PRKDC: variants seen among roughly 807,000 people sequenced by gnomAD.
The protein encoded by PRKDC is DNA-dependent protein kinase catalytic subunit.
A neutral mutation model predicts 486.9 loss-of-function variants in PRKDC; 82 were observed. The observed-to-expected ratio is 0.17, with a 90% confidence interval of 0.14 to 0.20. The LOEUF (loss-of-function observed/expected upper bound fraction) is 0.20. PRKDC is among the 10% of genes least tolerant of loss of function. The pLI, the probability that PRKDC is intolerant of heterozygous loss-of-function variation, is 1.00. For missense variants in PRKDC, 4,504 were observed against 5,038.2 expected, an observed-to-expected ratio of 0.89 and a Z score of 3.21; for synonymous variants, 1,895 against 1,837.0, an observed-to-expected ratio of 1.03 and a Z score of -0.81.
At chr8:47,791,389 C>G (rs1361373687) in intron 74 of PRKDC, among the ~76,000 whole-genome samples, 1 of 152,098 alleles carries the variant, frequency 6.6e-6, no homozygotes, top group Admixed American at 6.6e-5. Flanking sequence ...GCAGGAGAAT[C>G]GCTTGAACCC....
At chr8:47,837,104 A>G in intron 57 of PRKDC, 108 bp downstream of exon 57, 5 of 1,204,506 alleles carry the variant, frequency 4.2e-6, no homozygotes, top group Non-Finnish European at 5.8e-6. Flanking sequence ...CTTTTCAGAA[A>G]GGAATGTGTA....
chr8:47,822,299 A>G (rs1213822316), intron 64 of PRKDC, among the ~76,000 whole-genome samples: 2 of 151,816 alleles, frequency 1.3e-5, no homozygotes, highest in Non-Finnish European at 2.9e-5. Flanking sequence ...GAAAAAAAAA[A>G]AAAAGCCACA....
chr8:47,845,558 C>A (rs190818822), intron 54 of PRKDC, among the ~76,000 whole-genome samples: 6 of 151,938 alleles, frequency 3.9e-5, no homozygotes, highest in Non-Finnish European at 7.4e-5. Flanking sequence ...TAGATACATT[C>A]CTGGAAACAT....
chr8:47,795,523 C>T (rs1208089858), intron 73 of PRKDC, among the ~76,000 whole-genome samples: 4 of 129,674 alleles, frequency 3.1e-5, no homozygotes, highest in Admixed American at 1.7e-4. Context: ...GATGGAGTCT[C>T]ACTGTATCGC....
intron 80 of PRKDC, 130 bp from the exon 81 acceptor site, chr8:47,779,223 T>C (rs1023988082): frequency 6.0e-5 from 38 of 633,620 alleles, no homozygotes; most frequent in Middle Eastern, 5.1e-4. Flanking sequence ...CTTTTAACCA[T>C]ATTCAATATT....
intron 80 of PRKDC, among the ~76,000 whole-genome samples, 169 bp downstream of exon 80, chr8:47,781,993 C>G (rs1252213033): frequency 6.6e-6 from 1 of 152,240 alleles, no homozygotes; most frequent in Non-Finnish European, 1.5e-5. Context: ...GGTAAAATAT[C>G]TGCAACTACT....
chr8:47,867,982 C>CT (rs1488878921), intron 40 of PRKDC, among the ~76,000 whole-genome samples: 1 of 152,166 alleles, frequency 6.6e-6, no homozygotes, highest in African/African-American at 2.4e-5. Flanking sequence ...TATATGGTAT[C>CT]TAAGACTAAC....
At chr8:47,895,895 CG>C (rs1027468591) in intron 30 of PRKDC, among the ~76,000 whole-genome samples, 1 of 151,976 alleles carries the variant, frequency 6.6e-6, no homozygotes, top group Admixed American at 6.6e-5. Context: ...AAAAATTAGC[CG>C]GGCGTGGTAG....
At chr8:47,956,825 C>T (rs1025181066) in intron 3 of PRKDC, among the ~76,000 whole-genome samples, 1 of 150,484 alleles carries the variant, frequency 6.6e-6, no homozygotes, top group African/African-American at 2.4e-5. Flanking sequence ...GCCATCAGGG[C>T]CCCAGGGAGC....
intron 39 of PRKDC, among the ~76,000 whole-genome samples, chr8:47,878,752 A>C (rs966257632): frequency 6.6e-6 from 1 of 152,192 alleles, no homozygotes; most frequent in African/African-American, 2.4e-5. Context: ...TATCTCATGG[A>C]CATAATACCT....
At chr8:47,903,727 C>T (rs771074848) in intron 26 of PRKDC, among the ~76,000 whole-genome samples, 37 of 152,002 alleles carry the variant, frequency 2.4e-4, no homozygotes, top group Non-Finnish European at 3.1e-4. Flanking sequence ...TAATCTCTTA[C>T]TTAATCTACC....
At chr8:47,835,357 T>G (rs1223796630) in intron 58 of PRKDC, among the ~76,000 whole-genome samples, 1 of 152,112 alleles carries the variant, frequency 6.6e-6, no homozygotes, top group Admixed American at 6.5e-5. Flanking sequence ...ATCCATTTCT[T>G]TTTTAGAAAA....
intron 24 of PRKDC, 108 bp from the exon 25 acceptor site, chr8:47,912,670 A>C (rs551051251): frequency 9.6e-7 from 1 of 1,037,992 alleles, no homozygotes; most frequent in Non-Finnish European, 1.3e-6. Context: ...TTCATTGCAC[A>C]TAACTATCAT....
chr8:47,958,714 A>G (rs540210953), intron 1 of PRKDC, among the ~76,000 whole-genome samples: 1 of 151,680 alleles, frequency 6.6e-6, no homozygotes, highest in Non-Finnish European at 1.5e-5. Context: ...TAGAGTACAT[A>G]TAGGATACAT....
intron 58 of PRKDC, 28 bp downstream of exon 58, chr8:47,836,310 C>T (rs2154499688): frequency 6.6e-7 from 1 of 1,525,082 alleles, no homozygotes; most frequent in South Asian, 1.3e-5. Flanking sequence ...GTGCTGTATA[C>T]ATGGCCAGCG....
At chr8:47,881,802 CTTAT>C in intron 37 of PRKDC, 106 bp downstream of exon 37, 1 of 977,010 alleles carries the variant, frequency 1.0e-6, no homozygotes, top group Non-Finnish European at 1.5e-6. Context: ...AAAATATTTT[CTTAT>C]TTGTCAAACC....
In PRKDC at chr8:47,890,284, C is replaced by T. The variant is rs1269442480; in HGVS notation, c.4044G>A (p.Leu1348=). ...VVRIMEFTTT[L]LNTSPEGWKL... ...TCCATCCTTCCGGGGAGGTGTTTAG[C>T]AGAGTCGTGGTAAACTCCATAATCC... Residue 1348 remains leucine, a synonymous_variant, in exon 32 of 86, where the codon CTG becomes CTA. Coordinates refer to ENST00000314191, the MANE Select transcript of PRKDC (RefSeq NM_006904.7). 1 of 1,611,962 alleles carries T rather than the reference C, an allele frequency of 6.2e-7. No homozygotes were observed. The highest frequency in any genetic ancestry group is 8.5e-7 in the Non-Finnish European group (1 of 1,179,580).
Position 47,777,814 on chromosome 8 carries a change from A to G in PRKDC, c.11914T>C (p.Leu3972=). ...ATAAGGCCCGTTTCTTTCATTGGTA[A>G]CATCAGATTGATAAACTGGCGAGTT... ...RLTRQFINLM[L]PMKETGLMYS... is the part of the protein sequence containing the mutation. Residue 3972 remains leucine, a synonymous_variant, in exon 84 of 86, where the codon TTA becomes CTA. Transcript: ENST00000314191. The G allele has an allele frequency of 6.2e-7, 1 of 1,614,038 alleles. No homozygotes were observed. The highest frequency in any genetic ancestry group is 8.5e-7 in the Non-Finnish European group (1 of 1,179,904).
intron 17 of PRKDC, among the ~76,000 whole-genome samples, chr8:47,930,276 A>G (rs1020081975): frequency 4.6e-5 from 7 of 152,246 alleles, no homozygotes; most frequent in African/African-American, 1.7e-4. Flanking sequence ...ATTATTTGTT[A>G]TTTATTTATT....
Sources: gnomAD v4.1 joint callset for allele counts (sites outside exome capture counted in the v4.1 genomes callset) on GRCh38, gnomAD v4.1.1 for gene constraint, MANE v1.5 for transcripts, NCBI Gene and HGNC (gene_info 2026-07-23, HGNC 2026-07-21) for gene names.